The following PPM1L variants were observed in gnomAD, a reference collection of about 807,000 sequenced individuals.
PPM1L encodes protein phosphatase 1L.
PPM1L carries 13 observed loss-of-function variants against 31.4 expected under a neutral mutation model. The ratio of observed to expected loss-of-function variants is 0.41; its 90% CI spans 0.27 to 0.66. PPM1L has a LOEUF of 0.66. Ranked by LOEUF, PPM1L falls within the 30% of genes least tolerant of loss-of-function variation. The probability of loss-of-function intolerance (pLI) is 0.29; values close to 1 mark genes in which losing one functional copy is unlikely to be tolerated. For missense variants in PPM1L, 326 were observed against 453.7 expected (o/e 0.72, Z 2.56); for synonymous variants, 184 against 175.4 (o/e 1.05, Z -0.39).
intron 1 of PPM1L, among the ~76,000 whole-genome samples, chr3:160,945,688 G>A (rs1262182270): frequency 2.6e-5 from 4 of 151,980 alleles, no homozygotes; most frequent in African/African-American, 7.2e-5. Flanking sequence ...GAACAACCTG[G>A]GTTTGAACTG....
In PPM1L at chr3:160,764,460, C is replaced by CCT. The variant is rs58217473; in HGVS notation, c.399+7768_399+7769dup. Among the ~76,000 whole-genome samples the CCT allele has an allele frequency of 5.4e-5, 8 of 147,808 alleles. No individual in the cohort carries two copies. The South Asian group carries it at 8.5e-4, about 16-fold the overall frequency. ...TGATTTGTTATTTATTTTAATTCTC[C>CCT]CTCTCTCTCTCTCTCTTTTTTTTTT... On this transcript the variant is annotated intron_variant, in intron 1 of 3. Coordinates refer to ENST00000498165, the MANE Select transcript of PPM1L (RefSeq NM_139245.4).
chr3:161,017,725 A>G (rs1437413792), intron 2 of PPM1L, among the ~76,000 whole-genome samples: 1 of 152,190 alleles, frequency 6.6e-6, no homozygotes, highest in Non-Finnish European at 1.5e-5. Flanking sequence ...TTTTATAAGA[A>G]TAAATCTATT....
chr3:160,767,369 G>T (rs747485881), intron 1 of PPM1L, among the ~76,000 whole-genome samples: 15 of 152,002 alleles, frequency 9.9e-5, no homozygotes, highest in Non-Finnish European at 1.8e-4. Flanking sequence ...AAGTAGCTGG[G>T]ACTACAGGCG....
At chr3:160,845,351 A>G (rs1176680003) in intron 1 of PPM1L, among the ~76,000 whole-genome samples, 1 of 152,044 alleles carries the variant, frequency 6.6e-6, no homozygotes, top group Non-Finnish European at 1.5e-5. Flanking sequence ...TAATCTTTTT[A>G]TCATTGAATT....
intron 1 of PPM1L, among the ~76,000 whole-genome samples, chr3:160,792,243 T>A (rs1712128431): frequency 6.6e-6 from 1 of 152,148 alleles, no homozygotes; most frequent in African/African-American, 2.4e-5. Flanking sequence ...TAAATTAACT[T>A]TTAGTTATTT....
intron 2 of PPM1L, among the ~76,000 whole-genome samples, chr3:161,027,343 AT>A (rs1718429856): frequency 6.6e-6 from 1 of 152,144 alleles, no homozygotes; most frequent in Non-Finnish European, 1.5e-5. Flanking sequence ...GTATTAGTCC[AT>A]TTTCACACTG....
chr3:161,025,440 C>T (rs1023486943), intron 2 of PPM1L, among the ~76,000 whole-genome samples: 5 of 152,070 alleles, frequency 3.3e-5, no homozygotes, highest in Non-Finnish European at 7.4e-5. Context: ...GGCATGGTGG[C>T]ATGTGCCTGT....
chr3:160,915,727 C>T (rs1323851520), intron 1 of PPM1L, among the ~76,000 whole-genome samples: 1 of 152,132 alleles, frequency 6.6e-6, no homozygotes, highest in African/African-American at 2.4e-5. Flanking sequence ...ACCAATGGAA[C>T]AGAACAGAGC....
At chr3:161,022,115 T>C in intron 2 of PPM1L, 2 of 668,906 alleles carry the variant, frequency 3.0e-6, no homozygotes, top group Non-Finnish European at 5.4e-6. Flanking sequence ...TAGCTAGATG[T>C]TTTCTGTTTT....
At chr3:160,801,209 G>T (rs572592340) in intron 1 of PPM1L, among the ~76,000 whole-genome samples, 26 of 151,638 alleles carry the variant, frequency 1.7e-4, no homozygotes, top group Admixed American at 9.2e-4. Context: ...AAAAAGCAAA[G>T]ATATTTTTCA....
At chr3:160,940,341 A>G (rs898051869) in intron 1 of PPM1L, among the ~76,000 whole-genome samples, 9 of 152,234 alleles carry the variant, frequency 5.9e-5, no homozygotes, top group African/African-American at 1.9e-4. Flanking sequence ...ATAAGTAGCA[A>G]GGAGCCTAAT....
Position 160,756,296 on chromosome 3 carries a change from C to G in PPM1L, c.-13C>G. 6.3e-7 allele frequency: 1 copy of G among 1,597,566 alleles called. No individual in the cohort carries two copies. The highest frequency in any genetic ancestry group is 8.6e-7 in the Non-Finnish European group (1 of 1,168,900). On this transcript the variant is annotated 5_prime_UTR_variant, in exon 1 of 4. Transcript: ENST00000498165. The surrounding 1 kb of genome is among the most constrained non-coding windows in gnomAD (Gnocchi z 6.2). ...CGCGTCGCTGGTGGTGGTTGAGGCT[C>G]TAGCGATAATAAATGATAGAGGATA...
intron 1 of PPM1L, chr3:160,882,461 T>C (rs1712756300): frequency 6.6e-6 from 1 of 152,268 alleles, no homozygotes; most frequent in Admixed American, 6.5e-5. Context: ...TACTTTATTT[T>C]AGTTTGATTA....
chr3:160,817,568 A>G (rs1382734655), intron 1 of PPM1L, among the ~76,000 whole-genome samples: 1 of 152,084 alleles, frequency 6.6e-6, no homozygotes, highest in African/African-American at 2.4e-5. Flanking sequence ...TTTAATCTTC[A>G]AACTATTTTT....
intron 1 of PPM1L, among the ~76,000 whole-genome samples, chr3:160,862,187 C>T (rs1229189964): frequency 6.6e-6 from 1 of 152,142 alleles, no homozygotes; most frequent in East Asian, 1.9e-4. Flanking sequence ...TTCACTCACT[C>T]CCAAAATTAC....
chr3:161,013,041 T>A (rs1717950477), intron 2 of PPM1L, among the ~76,000 whole-genome samples: 1 of 152,202 alleles, frequency 6.6e-6, no homozygotes, highest in Non-Finnish European at 1.5e-5. Flanking sequence ...TGCTCTGATC[T>A]TAGTTACTTC....
chr3:160,976,138 GT>G lies in PPM1L; in HGVS notation c.574+14233del, dbSNP rs1339337644. Among the ~76,000 whole-genome samples the G allele has an allele frequency of 1.3e-3, 124 of 94,278 alleles. 3 individuals are homozygous for G. The highest frequency in any genetic ancestry group is 0.011 in the South Asian group (27 of 2,370). 61.9% of individuals were successfully genotyped at this position (94,278 alleles called of 152,430 possible). ...CTGCATCTATTGAGATAATCATGTGGTTTTTGTCTTTGGCTCTGTTTATATG... is the reference window on the plus strand; with the variant it reads ...CTGCATCTATTGAGATAATCATGTGGTTTTGTCTTTGGCTCTGTTTATATG... On this transcript the variant is annotated intron_variant, in intron 2 of 3. Coordinates refer to ENST00000498165, the MANE Select transcript of PPM1L (RefSeq NM_139245.4).
chr3:160,993,667 A>G (rs985476232), intron 2 of PPM1L, among the ~76,000 whole-genome samples: 1 of 152,162 alleles, frequency 6.6e-6, no homozygotes, highest in Non-Finnish European at 1.5e-5. Context: ...CCATTTTCAG[A>G]CCCAAGGTAA....
At chr3:161,064,222 G>T (rs1352038534) in intron 2 of PPM1L, among the ~76,000 whole-genome samples, 1 of 149,876 alleles carries the variant, frequency 6.7e-6, no homozygotes, top group Non-Finnish European at 1.5e-5. Flanking sequence ...TTTTTTTCAA[G>T]CCAGCACCAT....
Sources: gnomAD v4.1 joint callset for allele counts (sites outside exome capture counted in the v4.1 genomes callset) on GRCh38, gnomAD v4.1.1 for gene constraint, Gnocchi (gnomAD v3.1) non-coding constraint, MANE v1.5 for transcripts, NCBI Gene and HGNC (gene_info 2026-07-23, HGNC 2026-07-21) for gene names.